TMEM214: variants seen among roughly 807,000 people sequenced by gnomAD.
TMEM214 encodes the protein transmembrane protein 214.
Under a neutral mutation model 89.8 loss-of-function variants are expected in TMEM214, and 71 were observed. The observed-to-expected ratio is 0.79, with a 90% CI of 0.65 to 0.96. The LOEUF (loss-of-function observed/expected upper bound fraction) is 0.96. TMEM214 is among the 40% of genes least tolerant of loss of function. The probability of loss-of-function intolerance (pLI) is 0.00; values close to 1 mark genes in which losing one functional copy is unlikely to be tolerated. For synonymous variants in TMEM214, 332 were observed against 349.5 expected, an observed-to-expected ratio of 0.95 and a Z score of 0.56; for missense variants, 754 against 843.4, an observed-to-expected ratio of 0.89 and a Z score of 1.31.
In TMEM214 at chr2:27,040,327, C is replaced by G; in HGVS notation, c.1792-18C>G. ...AGTTCCCTGGATACTCTGACCCCAT[C>G]CATTCTCCATGGTCCAGCTACAGAT... On this transcript the variant is annotated intron_variant, in intron 15 of 16. Transcript: ENST00000238788. The G allele has an allele frequency of 1.9e-6, 3 of 1,613,892 alleles. No homozygotes were observed. Among genetic ancestry groups the G allele is most frequent in the Non-Finnish European group, 2.5e-6 (3 of 1,179,920 alleles).
chr2:27,035,884 G>A, intron 4 of TMEM214, 86 bp from the exon 5 acceptor site: 1 of 1,579,052 alleles, frequency 6.3e-7, no homozygotes, highest in South Asian at 1.1e-5. Context: ...TGGACCTGGG[G>A]CCTGGGCTCA....
rs748891580 is a variant in TMEM214, at chr2:27,039,037, C to T, written c.1408-10C>T. ...CTTCTGACAACTGTCTCCTGCTCCC[C>T]TCCCACCAGGGCCTGTTGCAGCAGG... On this transcript the variant is annotated splice_polypyrimidine_tract_variant and intron_variant, in intron 12 of 16. Coordinates refer to ENST00000238788, the MANE Select transcript of TMEM214 (RefSeq NM_017727.5). 4.3e-6 allele frequency: 7 copies of T among 1,612,812 alleles called. No individual in the cohort carries two copies. The highest frequency in any genetic ancestry group is 5.9e-6 in the Non-Finnish European group (7 of 1,179,770).
rs11690454 is a variant in TMEM214, at chr2:27,038,461, A to C, written c.1245-23A>C. 1.2e-6 allele frequency: 2 copies of C among 1,613,626 alleles called. No homozygotes were observed. The highest frequency in any genetic ancestry group is 8.5e-7 in the Non-Finnish European group (1 of 1,179,936). Reference sequence around the variant, plus strand: ...GTGAGGCTGCGCGAGCCACCTGACTAGGGGGTTGTGCTTTCCCCACAGCCT... The same window carrying C: ...GTGAGGCTGCGCGAGCCACCTGACTCGGGGGTTGTGCTTTCCCCACAGCCT... On this transcript the variant is annotated intron_variant, in intron 10 of 16. Transcript: ENST00000238788. The surrounding 1 kb of genome is among the most constrained non-coding windows in gnomAD (Gnocchi z 4.4).
chr2:27,037,218 C>A, intron 8 of TMEM214, 40 bp downstream of exon 8: 1 of 1,472,688 alleles, frequency 6.8e-7, no homozygotes, highest in Non-Finnish European at 9.5e-7. Context: ...GAAGGGACCA[C>A]AGCACCAGAA....
At chr2:27,040,322 C>G in intron 15 of TMEM214, 23 bp from the exon 16 acceptor site, 1 of 1,613,716 alleles carries the variant, frequency 6.2e-7, no homozygotes, top group Middle Eastern at 1.6e-4. Context: ...ATACTCTGAC[C>G]CCATCCATTC....
rs1667811344 is a variant in TMEM214 at position 27,040,971 on chromosome 2, C to T, written c.*134C>T. The T allele has an allele frequency of 1.8e-6, 2 of 1,121,560 alleles. No homozygotes were observed. Among genetic ancestry groups the T allele is most frequent in the Non-Finnish European group, 2.5e-6 (2 of 791,162 alleles). 69.5% of individuals were successfully genotyped at this position (1,121,560 alleles called of 1,614,324 possible). A position where few individuals can be genotyped will look rare whatever the true frequency, so the allele number is the denominator to read the frequency against. On this transcript the variant is annotated 3_prime_UTR_variant, in exon 17 of 17. Transcript: ENST00000238788. ...CTCTCCTAGGCAAGTGGCCAGTTGC[C>T]TCCACCTCAGTTCTTCCATCTTTGG...
rs201638093 is a variant in TMEM214, at chr2:27,037,090, C to T, written c.922C>T (p.Leu308Phe). The change falls in exon 8 of 17, where the codon CTT becomes TTT. Residue 308 changes from leucine to phenylalanine, a missense_variant. Leu to Phe is a conservative substitution (Grantham distance 22). Transcript: ENST00000238788. The part of the protein sequence containing the change: ...LDRLLLMHPN[L>F]TKGFGMIGPK... ...TCATCCCCACAGGATGCATCCCAAC[C>T]TTACCAAGGGCTTCGGCATGATTGG... 1 of 1,614,072 alleles carries T rather than the reference C, an allele frequency of 6.2e-7. No homozygotes were observed. The highest frequency in any genetic ancestry group is 8.5e-7 in the Non-Finnish European group (1 of 1,179,990).
intron 13 of TMEM214, 74 bp from the exon 14 acceptor site, chr2:27,039,667 G>A (rs1321931867): frequency 7.7e-7 from 1 of 1,293,546 alleles, no homozygotes; most frequent in African/African-American, 1.5e-5. Flanking sequence ...TGCCTGCTCT[G>A]GGCCCTGTAG....
Position 27,036,686 on chromosome 2 carries a change from G to T in TMEM214, c.827-19G>T. 6.2e-7 allele frequency: 1 copy of T among 1,614,138 alleles called. No homozygotes were observed. Among genetic ancestry groups the T allele is most frequent in the Admixed American group, 1.7e-5 (1 of 60,014 alleles). On this transcript the variant is annotated intron_variant, in intron 6 of 16. Transcript: ENST00000238788. ...TAGGTGCAAGCCTGAGGCCTCCCTC[G>T]TGACTTTTACCCCTGCAGTGTGGCT...
In TMEM214 at chr2:27,036,095, G is replaced by A. The variant is rs780634054; in HGVS notation, c.720+43G>A. Reference sequence around the variant, plus strand: ...GTGGGGATGCTAGGAAGCTAGGACTGGGGAGGCTGGGCAGAATCTATGTTG... The same window carrying A: ...GTGGGGATGCTAGGAAGCTAGGACTAGGGAGGCTGGGCAGAATCTATGTTG... On this transcript the variant is annotated intron_variant, in intron 5 of 16. Transcript: ENST00000238788. 9 of 1,583,060 alleles carry A rather than the reference G, an allele frequency of 5.7e-6. No individual in the cohort carries two copies. In the South Asian group the frequency reaches 8.9e-5, roughly 16 times the overall value.
At position 27,036,537 on chromosome 2, in the gene TMEM214, C is replaced by T. The variant is rs1667569012; in HGVS notation, c.771C>T (p.Thr257=). ...AGAGCCGACCAGCAAAGTGTCTCAC[C>T]ATCATGTGGGCCCTGGGTCAAGCAG... ...SHQSRPAKCL[T]IMWALGQAGF... is the part of the protein sequence containing the mutation. Residue 257 remains threonine, a synonymous_variant, in exon 6 of 17, where the codon ACC becomes ACT. Transcript: ENST00000238788. 1.2e-6 allele frequency: 2 copies of T among 1,613,974 alleles called. No individual in the cohort carries two copies.
At chr2:27,040,554 A>G in intron 16 of TMEM214, 58 bp downstream of exon 16, 1 of 1,597,474 alleles carries the variant, frequency 6.3e-7, no homozygotes, top group African/African-American at 1.3e-5. Flanking sequence ...CCCGGGCCCC[A>G]GGGACAAGCC....
rs1488623020 is a variant in TMEM214 at position 27,040,404 on chromosome 2, C to T, written c.1851C>T (p.Pro617=). The change falls in exon 16 of 17, where the codon CCC becomes CCT. Residue 617 remains proline (P), a synonymous_variant. Coordinates refer to ENST00000238788, the MANE Select transcript of TMEM214 (RefSeq NM_017727.5). ...TACTCCGCTATCTGAGAGAGCTGCC[C>T]CTGCTTTTCCACCAGAATGTGCTGC... ...NQLLRYLREL[P]LLFHQNVLLP... 14 of 1,614,234 alleles carry T rather than the reference C, an allele frequency of 8.7e-6. No individual in the cohort carries two copies. Among genetic ancestry groups the T allele is most frequent in the Non-Finnish European group, 1.2e-5 (14 of 1,180,054 alleles).
In TMEM214 at chr2:27,037,115, G is replaced by GC. The variant is rs1558397423; in HGVS notation, c.951dup (p.Lys318GlnfsTer59). ...CTTACCAAGGGCTTCGGCATGATTG[G>GC]CCCCAAGGACTTCTTCCCACTTCTG... On this transcript the variant is annotated frameshift_variant, in exon 8 of 17. Transcript: ENST00000238788. LOFTEE classifies it high-confidence loss of function. 1 of 1,613,998 alleles carries GC rather than the reference G, an allele frequency of 6.2e-7. No homozygotes were observed. Among genetic ancestry groups the GC allele is most frequent in the South Asian group, 1.1e-5 (1 of 91,072 alleles).
chr2:27,039,594 C>T, intron 13 of TMEM214, 147 bp from the exon 14 acceptor site: 1 of 735,824 alleles, frequency 1.4e-6, no homozygotes, highest in Non-Finnish European at 2.4e-6. Context: ...CCTCCCTCCA[C>T]AGCAGCCTGG....
At chr2:27,035,458 G>T (rs986961618) in intron 3 of TMEM214, 136 bp from the exon 4 acceptor site, 3 of 1,430,212 alleles carry the variant, frequency 2.1e-6, no homozygotes, top group Non-Finnish European at 2.8e-6. Context: ...CTCCCTCTGG[G>T]CCTCCTCAGA....
chr2:27,037,722 C>T lies in TMEM214; in HGVS notation c.1152+20C>T, dbSNP rs1479037959. The T allele has an allele frequency of 6.2e-7, 1 of 1,614,144 alleles. No individual in the cohort carries two copies. The highest frequency in any genetic ancestry group is 8.5e-7 in the Non-Finnish European group (1 of 1,180,002). On this transcript the variant is annotated intron_variant, in intron 9 of 16. Coordinates refer to ENST00000238788, the MANE Select transcript of TMEM214 (RefSeq NM_017727.5). The stretch of plus-strand genomic sequence containing the variant: ...AAAGAGGTGAGGATATGGTGGGAGG[C>T]TTTTTCTCCTTCCCCAGGGGTCAGC...
rs575969162 is a variant in TMEM214 at position 27,034,997 on chromosome 2, C to T, written c.352-138C>T. ...GTAGGTACAGCAGAATTGCAGCATTCCATGTTCTTATGCTTAAAAATGGAA... is the reference window on the plus strand; with the variant it reads ...GTAGGTACAGCAGAATTGCAGCATTTCATGTTCTTATGCTTAAAAATGGAA... On this transcript the variant is annotated intron_variant, in intron 2 of 16. Coordinates refer to ENST00000238788, the MANE Select transcript of TMEM214 (RefSeq NM_017727.5). 5.4e-6 allele frequency: 5 copies of T among 925,584 alleles called. No individual in the cohort carries two copies. The African/African-American group carries it at 8.3e-5, about 15-fold the overall frequency. 57.3% of individuals were successfully genotyped at this position (925,584 alleles called of 1,614,324 possible).
chr2:27,035,514 A>G (rs971649313), intron 3 of TMEM214, 80 bp from the exon 4 acceptor site: 153 of 1,579,862 alleles, frequency 9.7e-5, no homozygotes, highest in Non-Finnish European at 1.3e-4. Flanking sequence ...TCCACTCACC[A>G]TTCCCAGGGA....
Sources: gnomAD v4.1 joint callset for allele counts on GRCh38, gnomAD v4.1.1 for gene constraint, Gnocchi (gnomAD v3.1) non-coding constraint, MANE v1.5 for transcripts, NCBI Gene and HGNC (gene_info 2026-07-23, HGNC 2026-07-21) for gene names.